Variants in ZNF527 observed in about 807,000 individuals in gnomAD.
The protein encoded by ZNF527 is zinc finger protein 527.
A neutral mutation model predicts 13.5 loss-of-function variants in ZNF527; 5 were observed. The ratio of observed to expected loss-of-function variants is 0.37; its 90% CI spans 0.19 to 0.78. The LOEUF (loss-of-function observed/expected upper bound fraction) is 0.78. Among genes scored for constraint, ZNF527 ranks in the 30% least tolerant of loss-of-function variants. The probability of loss-of-function intolerance (pLI) is 0.48; values close to 1 mark genes in which losing one functional copy is unlikely to be tolerated. For missense variants in ZNF527, 628 were observed against 726.4 expected, an observed-to-expected ratio of 0.86 and a Z score of 1.56; for synonymous variants, 209 against 243.1, an observed-to-expected ratio of 0.86 and a Z score of 1.30.
rs1371082141 is a variant in ZNF527 at position 37,388,508 on chromosome 19, T to C, written c.459T>C (p.Val153=). 6.2e-7 allele frequency: 1 copy of C among 1,614,162 alleles called. No homozygotes were observed. The highest frequency in any genetic ancestry group is 8.5e-7 in the Non-Finnish European group (1 of 1,180,016). Residue 153 remains valine (V), a synonymous_variant, in exon 5 of 5, where the codon GTT becomes GTC. Transcript: ENST00000436120. The part of the protein sequence containing the change: ...AERHFMQVTA[V]KEISTGKRDN... ...GGCATTTCATGCAAGTGACAGCTGT[T>C]AAGGAAATCTCTACTGGGAAAAGAG... is the stretch of plus-strand genomic sequence containing the variant.
chr19:37,377,357 T>A (rs2040616754), intron 2 of ZNF527, among the ~76,000 whole-genome samples: 1 of 152,020 alleles, frequency 6.6e-6, no homozygotes, highest in South Asian at 2.1e-4. Context: ...GGTAAGTACA[T>A]ATGGTGGCTG....
chr19:37,386,724 G>A (rs1349590068), intron 4 of ZNF527, among the ~76,000 whole-genome samples: 1 of 152,180 alleles, frequency 6.6e-6, no homozygotes, highest in East Asian at 1.9e-4. Flanking sequence ...TCCCATGTTG[G>A]AAAATAACTG....
chr19:37,389,397 A>T lies in ZNF527; in HGVS notation c.1348A>T (p.Thr450Ser). The T allele has an allele frequency of 6.2e-7, 1 of 1,613,702 alleles. No homozygotes were observed. The highest frequency in any genetic ancestry group is 8.5e-7 in the Non-Finnish European group (1 of 1,179,918). ...CTTCAAATGTAGTGAATGTGGGAAG[A>T]CCTTTGGCTATCGCTCACACCTGAA... is the stretch of plus-strand genomic sequence containing the variant. ...KPFKCSECGK[T>S]FGYRSHLNQH... Residue 450 changes from threonine (T) to serine (S), a missense_variant, in exon 5 of 5, where the codon ACC becomes TCC. By Grantham distance (58) the Thr-to-Ser change is moderately conservative. Transcript: ENST00000436120.
chr19:37,389,535 A>G lies in ZNF527; in HGVS notation c.1486A>G (p.Arg496Gly), dbSNP rs2040733135. The part of the protein sequence containing the change: ...NRHHRIHTGE[R>G]PFECSKCGKA... ...ACATCATAGAATTCACACTGGAGAG[A>G]GACCATTTGAATGCAGTAAATGTGG... The change falls in exon 5 of 5, where the codon AGA (arginine) becomes GGA (glycine). Residue 496 changes from arginine (R) to glycine (G), a missense_variant. Transcript: ENST00000436120. The G allele has an allele frequency of 1.4e-5, 22 of 1,614,126 alleles. No individual in the cohort carries two copies. The highest frequency in any genetic ancestry group is 2.7e-5 in the African/African-American group (2 of 74,954).
chr19:37,382,799 C>T (rs1242452615), intron 4 of ZNF527, among the ~76,000 whole-genome samples: 9 of 152,052 alleles, frequency 5.9e-5, no homozygotes, highest in African/African-American at 1.4e-4. Context: ...CTCCGCCTCC[C>T]GGGTTCAAGT....
At position 37,371,155 on chromosome 19, in the gene ZNF527, C is replaced by T. The variant is rs750792231; in HGVS notation, c.-113C>T. 2.0e-5 allele frequency: 3 copies of T among 152,596 alleles called. No individual in the cohort carries two copies. The highest frequency in any genetic ancestry group is 7.2e-5 in the African/African-American group (3 of 41,430). The allele number at this position is 152,596 out of a possible 1,614,324, so 9.5% of individuals were successfully genotyped here. A position where few individuals can be genotyped will look rare whatever the true frequency, so the allele number is the denominator to read the frequency against. ...TCAGTCCTCGCCTCGCTCCTCCTCG[C>T]GGAGGATTCTGGGAGGTGACGTCGC... On this transcript the variant is annotated 5_prime_UTR_variant, in exon 1 of 5. Coordinates refer to ENST00000436120, the MANE Select transcript of ZNF527 (RefSeq NM_032453.2).
rs1600266749 is a variant in ZNF527, at chr19:37,380,478, A to G, written c.256+106A>G. On this transcript the variant is annotated intron_variant, in intron 4 of 4. Transcript: ENST00000436120. ...AGGTGGGATGAGAACTGAAATCTCC[A>G]TAGTATGTGCTTCCCTAGAAACCTC... is the stretch of plus-strand genomic sequence containing the variant. 5.7e-6 allele frequency: 5 copies of G among 872,924 alleles called. No homozygotes were observed. In the East Asian group the frequency reaches 1.3e-4, roughly 23 times the overall value. The allele number at this position is 872,924 out of a possible 1,614,324, so 54.1% of individuals were successfully genotyped here.
intron 1 of ZNF527, among the ~76,000 whole-genome samples, chr19:37,373,786 A>G (rs934777832): frequency 2.6e-5 from 4 of 152,116 alleles, no homozygotes; most frequent in Non-Finnish European, 2.9e-5. Context: ...AAAGTCCACA[A>G]CCCTGAAGAA....
intron 1 of ZNF527, among the ~76,000 whole-genome samples, chr19:37,372,034 C>CT (rs1373666562): frequency 6.7e-6 from 1 of 149,062 alleles, no homozygotes; most frequent in Non-Finnish European, 1.5e-5. Context: ...GAGTCTCACT[C>CT]TATTGCCCAG....
intron 4 of ZNF527, among the ~76,000 whole-genome samples, chr19:37,382,786 A>C (rs2146815587): frequency 6.6e-6 from 1 of 152,196 alleles, no homozygotes; most frequent in Admixed American, 6.5e-5. Context: ...GGCTCACTGC[A>C]AGCTCCGCCT....
chr19:37,379,091 C>T (rs1185697078), intron 2 of ZNF527, 29 bp from the exon 3 acceptor site: 3 of 1,613,810 alleles, frequency 1.9e-6, no homozygotes, highest in African/African-American at 2.7e-5. Flanking sequence ...TGTCTGGGCA[C>T]CTGGTGAACA....
chr19:37,389,062 CT>C lies in ZNF527; in HGVS notation c.1016del (p.Phe339SerfsTer89). On this transcript the variant is annotated frameshift_variant, in exon 5 of 5. Coordinates refer to ENST00000436120, the MANE Select transcript of ZNF527 (RefSeq NM_032453.2). LOFTEE classifies it low-confidence loss of function (END_TRUNC). ...KPYECKECNK[A>X]FRQSAHLAQH... ...TATGAATGTAAGGAATGTAACAAAG[CT>C]TTCAGACAGAGTGCTCACCTTGCTC... is the stretch of plus-strand genomic sequence containing the variant. The C allele has an allele frequency of 6.2e-7, 1 of 1,614,236 alleles. No individual in the cohort carries two copies. The highest frequency in any genetic ancestry group is 8.5e-7 in the Non-Finnish European group (1 of 1,180,048).
chr19:37,386,545 G>A (rs1414488120), intron 4 of ZNF527, among the ~76,000 whole-genome samples: 1 of 152,224 alleles, frequency 6.6e-6, no homozygotes, highest in Non-Finnish European at 1.5e-5. Context: ...TGTGGCTAGT[G>A]TGAGTAAGGA....
chr19:37,373,538 C>A (rs2040575854), intron 1 of ZNF527, among the ~76,000 whole-genome samples: 2 of 152,194 alleles, frequency 1.3e-5, no homozygotes, highest in Admixed American at 1.3e-4. Flanking sequence ...TTGGATCTTA[C>A]AATCTTGCAT....
In ZNF527 at chr19:37,388,851, C is replaced by A. The variant is rs539905451; in HGVS notation, c.802C>A (p.His268Asn). 6.2e-7 allele frequency: 1 copy of A among 1,614,160 alleles called. No homozygotes were observed. The highest frequency in any genetic ancestry group is 1.1e-5 in the South Asian group (1 of 91,074). The change falls in exon 5 of 5, where the codon CAT becomes AAT. Residue 268 changes from histidine (H) to asparagine (N), a missense_variant. His to Asn is a moderately conservative substitution (Grantham distance 68, BLOSUM62 1). Transcript: ENST00000436120. ...ATTATTTACTCAACATCAGACCACTCATTTTGGAAAATTACCCCATGGATA... is the reference window on the plus strand; with the variant it reads ...ATTATTTACTCAACATCAGACCACTAATTTTGGAAAATTACCCCATGGATA... ...HSLFTQHQTT[H>N]FGKLPHGYDE... is the part of the protein sequence containing the mutation.
At chr19:37,371,727 T>C (rs2040558415) in intron 1 of ZNF527, among the ~76,000 whole-genome samples, 1 of 152,154 alleles carries the variant, frequency 6.6e-6, no homozygotes, top group Non-Finnish European at 1.5e-5. Flanking sequence ...TATGCTACTT[T>C]GTGTGTGATT....
At position 37,381,639 on chromosome 19, in the gene ZNF527, T is replaced by A. The variant is rs541182066; in HGVS notation, c.256+1267T>A. Reference sequence around the variant, plus strand: ...TTCTTATTTTTCTATTTGTAGTTAATAAATATCTTGGGGGAGATACTTTGA... The same window carrying A: ...TTCTTATTTTTCTATTTGTAGTTAAAAAATATCTTGGGGGAGATACTTTGA... On this transcript the variant is annotated intron_variant, in intron 4 of 4. Transcript: ENST00000436120. Among the ~76,000 whole-genome samples the A allele has an allele frequency of 5.3e-5, 8 of 152,362 alleles. No homozygotes were observed. In the South Asian group the frequency reaches 1.7e-3, roughly 32 times the overall value.
chr19:37,380,167 G>A (rs1444783376), intron 3 of ZNF527, 110 bp from the exon 4 acceptor site: 3 of 1,485,734 alleles, frequency 2.0e-6, no homozygotes, highest in Non-Finnish European at 2.7e-6. Flanking sequence ...GTCCATTCTT[G>A]CCTGATGATC....
At position 37,390,822 on chromosome 19, in the gene ZNF527, CTA is replaced by C. The variant is rs1404322508; in HGVS notation, c.*945_*946del. 6.6e-6 allele frequency: 1 copy of C among 152,122 alleles called. No individual in the cohort carries two copies. Among genetic ancestry groups the C allele is most frequent in the Non-Finnish European group, 1.5e-5 (1 of 68,016 alleles). 9.4% of individuals were successfully genotyped at this position (152,122 alleles called of 1,614,324 possible). ...GAATTAGAGTGCTGATTCACACATT[CTA>C]TGTTTGCTATACATAAAAGAAAGCC... On this transcript the variant is annotated 3_prime_UTR_variant, in exon 5 of 5. Coordinates refer to ENST00000436120, the MANE Select transcript of ZNF527 (RefSeq NM_032453.2).
Sources: gnomAD v4.1 joint callset for allele counts (sites outside exome capture counted in the v4.1 genomes callset) on GRCh38, gnomAD v4.1.1 for gene constraint, MANE v1.5 for transcripts, NCBI Gene and HGNC (gene_info 2026-07-23, HGNC 2026-07-21) for gene names.